The following LPP variants were observed in gnomAD, a reference collection of about 807,000 sequenced individuals.
LPP encodes LIM domain containing preferred translocation partner in lipoma.
In LPP, 38 loss-of-function variants were observed where a neutral mutation model predicts 60.4. That is an observed-to-expected ratio of 0.63 (90% CI 0.49 to 0.83). The LOEUF (loss-of-function observed/expected upper bound fraction) is 0.83. LPP is among the 40% of genes least tolerant of loss of function. The pLI, the probability that LPP is intolerant of heterozygous loss-of-function variation, is 0.00. For missense variants in LPP, 902 were observed against 783.6 expected (o/e 1.15, Z -1.80); for synonymous variants, 328 against 290.8 (o/e 1.13, Z -1.30).
At chr3:188,636,177 G>A (rs1848700539) in intron 7 of LPP, among the ~76,000 whole-genome samples, 1 of 152,226 alleles carries the variant, frequency 6.6e-6, no homozygotes, top group African/African-American at 2.4e-5. Flanking sequence ...GCCAGACAGT[G>A]GGCGCAGGTC....
At chr3:188,197,875 C>T (rs963773199) in intron 1 of LPP, among the ~76,000 whole-genome samples, 4 of 152,306 alleles carry the variant, frequency 2.6e-5, no homozygotes, top group African/African-American at 9.6e-5. Context: ...TTCCATTAGG[C>T]GTGCATATCG....
At chr3:188,641,782 G>C (rs1850184247) in intron 7 of LPP, among the ~76,000 whole-genome samples, 3 of 152,164 alleles carry the variant, frequency 2.0e-5, no homozygotes, top group Admixed American at 2.0e-4. Context: ...GATGGACCAA[G>C]TATAGACACA....
chr3:188,839,055 A>G (rs1054889299), intron 9 of LPP, among the ~76,000 whole-genome samples: 2 of 152,190 alleles, frequency 1.3e-5, no homozygotes, highest in Non-Finnish European at 2.9e-5. Flanking sequence ...AAGTCAGGGT[A>G]TAGGAATCAC....
chr3:188,427,454 C>G (rs541043640), intron 4 of LPP, among the ~76,000 whole-genome samples: 1 of 152,252 alleles, frequency 6.6e-6, no homozygotes, highest in African/African-American at 2.4e-5. Context: ...AACATTTTTT[C>G]CTTCATTTCA....
At chr3:188,316,866 A>G (rs1015545634) in intron 2 of LPP, among the ~76,000 whole-genome samples, 5 of 152,236 alleles carry the variant, frequency 3.3e-5, no homozygotes, top group African/African-American at 1.2e-4. Flanking sequence ...TGGTATTTCC[A>G]GGTTCCCAGG....
At chr3:188,338,623 C>T (rs1005042609) in intron 2 of LPP, among the ~76,000 whole-genome samples, 3 of 152,176 alleles carry the variant, frequency 2.0e-5, no homozygotes, top group South Asian at 2.1e-4. Flanking sequence ...CCTCCATCCC[C>T]ATTTCATTAT....
chr3:188,364,998 G>A (rs1770681667), intron 3 of LPP, among the ~76,000 whole-genome samples: 1 of 152,160 alleles, frequency 6.6e-6, no homozygotes, highest in South Asian at 2.1e-4. Flanking sequence ...AGTGTTGGAT[G>A]TCTGTAGAAG....
At chr3:188,868,046 A>T (rs1469868033) in intron 10 of LPP, among the ~76,000 whole-genome samples, 3 of 152,200 alleles carry the variant, frequency 2.0e-5, no homozygotes, top group Non-Finnish European at 2.9e-5. Flanking sequence ...ACAAGGAAGG[A>T]CTCACTTTTA....
rs549365070 is a variant in LPP at position 188,512,032 on chromosome 3, C to T, written c.307-12633C>T. 6.8e-4 allele frequency among the ~76,000 whole-genome samples: 104 copies of T among 152,250 alleles called. 1 individual carries two copies. In the South Asian group the frequency reaches 0.017, roughly 25 times the overall value. ...GTTAAAGTTTTAGTCCTACTTCAGC[C>T]CCTTCACTATACAAACTACCTTACC... is the stretch of plus-strand genomic sequence containing the variant. On this transcript the variant is annotated intron_variant, in intron 5 of 11. Coordinates refer to ENST00000617246, the MANE Select transcript of LPP (RefSeq NM_001375462.1).
intron 6 of LPP, among the ~76,000 whole-genome samples, chr3:188,556,222 T>A (rs726713): frequency 0.82 from 125,187 of 152,084 alleles, 51,611 homozygotes; most frequent in East Asian, 0.94. Context: ...CCTCTAAATA[T>A]TGGTTAAATA....
At chr3:188,293,862 C>T (rs1334989455) in intron 2 of LPP, among the ~76,000 whole-genome samples, 1 of 151,688 alleles carries the variant, frequency 6.6e-6, no homozygotes, top group African/African-American at 2.4e-5. Flanking sequence ...GTCAGGAGTT[C>T]GAGACCAGTC....
chr3:188,561,581 T>C (rs1830694720), intron 6 of LPP, among the ~76,000 whole-genome samples: 1 of 152,086 alleles, frequency 6.6e-6, no homozygotes, highest in South Asian at 2.1e-4. Context: ...TTATTTGGAA[T>C]GTGGCAAATC....
chr3:188,598,784 T>C (rs1840486693), intron 6 of LPP, among the ~76,000 whole-genome samples: 1 of 152,188 alleles, frequency 6.6e-6, no homozygotes, highest in Non-Finnish European at 1.5e-5. Flanking sequence ...TGCGTTTTAA[T>C]AGCTCTTCAT....
intron 2 of LPP, among the ~76,000 whole-genome samples, chr3:188,235,607 A>C (rs1560138835): frequency 1.3e-5 from 2 of 152,206 alleles, no homozygotes; most frequent in African/African-American, 4.8e-5. Context: ...ATCTTGGCAC[A>C]TGTAAGTGCT....
chr3:188,387,938 A>ACG (rs1778755815), intron 3 of LPP, among the ~76,000 whole-genome samples: 1 of 138,314 alleles, frequency 7.2e-6, no homozygotes, highest in East Asian at 2.1e-4. Context: ...TTTTTTTTTT[A>ACG]GCTTTAGTAG....
At position 188,609,653 on chromosome 3, in the gene LPP, G is replaced by A; in HGVS notation, c.922G>A (p.Gly308Arg). Residue 308 changes from glycine to arginine, a missense_variant, in exon 7 of 12, where the codon GGG becomes AGG. By Grantham distance (125) the Gly-to-Arg change is moderately radical. Transcript: ENST00000617246. This position sits in a 1 kb window ranked among gnomAD's most constrained non-coding sequence, Gnocchi z 6.9. The stretch of plus-strand genomic sequence containing the variant: ...CTACTATGCAGCAGGGCCAGGCTAT[G>A]GGGGCAGAAATGACTCTGACCCTAC... ...EGYYAAGPGY[G>R]GRNDSDPTYG... is the part of the protein sequence containing the mutation. 3.1e-6 allele frequency: 5 copies of A among 1,614,142 alleles called. No individual in the cohort carries two copies. Among genetic ancestry groups the A allele is most frequent in the Non-Finnish European group, 4.2e-6 (5 of 1,180,014 alleles).
At chr3:188,301,399 G>A (rs184940548) in intron 2 of LPP, among the ~76,000 whole-genome samples, 1 of 152,306 alleles carries the variant, frequency 6.6e-6, no homozygotes, top group African/African-American at 2.4e-5. Context: ...CAGGAGGGAA[G>A]GTCAGAACTA....
At chr3:188,222,262 C>A (rs1577366242) in intron 1 of LPP, among the ~76,000 whole-genome samples, 4 of 152,098 alleles carry the variant, frequency 2.6e-5, no homozygotes, top group Admixed American at 2.6e-4. Context: ...AGGAGACATA[C>A]AGTATCTAAC....
At chr3:188,543,660 A>G (rs1052487435) in intron 6 of LPP, among the ~76,000 whole-genome samples, 2 of 152,188 alleles carry the variant, frequency 1.3e-5, no homozygotes, top group Non-Finnish European at 2.9e-5. Context: ...ACATCAAAGC[A>G]TGGAAGCTGA....
Sources: allele counts gnomAD v4.1 joint callset (sites outside exome capture counted in the v4.1 genomes callset), GRCh38; gene constraint gnomAD v4.1.1; non-coding constraint Gnocchi (gnomAD v3.1); transcripts MANE v1.5; gene names NCBI Gene and HGNC (gene_info 2026-07-23, HGNC 2026-07-21).